Variants in TRIT1 observed in about 807,000 individuals in gnomAD.
TRIT1 encodes the protein tRNA dimethylallyltransferase.
TRIT1 carries 43 observed loss-of-function variants against 51.2 expected under a neutral mutation model. The observed-to-expected ratio is 0.84, with a 90% confidence interval of 0.66 to 1.08. The LOEUF is 1.08. TRIT1 is among the 50% of genes least tolerant of loss of function. The pLI is 0.00. For synonymous variants in TRIT1, 184 were observed against 203.9 expected (o/e 0.90, Z 0.83); for missense variants, 528 against 578.4 (o/e 0.91, Z 0.89).
At chr1:39,882,391 C>T (rs535154056) in intron 1 of TRIT1, among the ~76,000 whole-genome samples, 2 of 152,332 alleles carry the variant, frequency 1.3e-5, no homozygotes, top group African/African-American at 2.4e-5. Context: ...CCAGGCATTT[C>T]ATGTTCAACA....
rs545062133 is a variant in TRIT1, at chr1:39,875,248, G to T, written c.174+8070C>A. On this transcript the variant is annotated intron_variant, in intron 1 of 10. Transcript: ENST00000316891. The stretch of plus-strand genomic sequence containing the variant: ...CTCACGCCTGTAATTCCAACCCTTT[G>T]GGAGCCCGAGGTGGGCAGATCACGA... Among the ~76,000 whole-genome samples the T allele has an allele frequency of 1.5e-3, 232 of 152,068 alleles. 1 individual carries two copies. Among genetic ancestry groups the T allele is most frequent in the African/African-American group, 5.2e-3 (214 of 41,490 alleles).
At chr1:39,861,923 CAAAAAAA>C (rs60007826) in intron 1 of TRIT1, among the ~76,000 whole-genome samples, 8 of 68,412 alleles carry the variant, frequency 1.2e-4, no homozygotes, top group East Asian at 3.9e-4. Context: ...GGCTCTGTCT[CAAAAAAA>C]AAAAAAAAAG....
chr1:39,864,048 C>T (rs1171137547), intron 1 of TRIT1, among the ~76,000 whole-genome samples: 3 of 151,950 alleles, frequency 2.0e-5, no homozygotes, highest in East Asian at 2.0e-4. Flanking sequence ...CCTGCCACCA[C>T]GCCTGGCTAG....
intron 8 of TRIT1, chr1:39,847,003 C>A: frequency 1.9e-6 from 1 of 515,672 alleles, no homozygotes; most frequent in East Asian, 3.2e-5. Flanking sequence ...CTGTTCAAGG[C>A]AGAAGGCAGA....
chr1:39,880,798 CA>C (rs1315749935), intron 1 of TRIT1, among the ~76,000 whole-genome samples: 43 of 127,662 alleles, frequency 3.4e-4, no homozygotes, highest in Non-Finnish European at 2.5e-4. Context: ...GACTCCGTTT[CA>C]AAAAAAAAAA....
chr1:39,879,928 G>A (rs56329746), intron 1 of TRIT1, among the ~76,000 whole-genome samples: 3,113 of 145,582 alleles, frequency 0.021, 64 homozygotes, highest in East Asian at 0.11. Context: ...TGTAATCCCA[G>A]CATTTTGGGA....
chr1:39,846,973 T>TAA (rs1470689380), intron 8 of TRIT1: 1 of 386,156 alleles, frequency 2.6e-6, no homozygotes. Flanking sequence ...TCTTCTTAGC[T>TAA]GTTTGCAGCC....
intron 1 of TRIT1, among the ~76,000 whole-genome samples, chr1:39,858,872 T>G (rs1188252012): frequency 6.6e-6 from 1 of 152,208 alleles, no homozygotes; most frequent in African/African-American, 2.4e-5. Flanking sequence ...AGTATTCTTT[T>G]CTGTGTATCT....
chr1:39,841,784 G>C lies in TRIT1; in HGVS notation c.1364C>G (p.Ser455Cys), dbSNP rs753273813. ...DHNKEPKEKG[S>C]PGQNDQELKC... The stretch of plus-strand genomic sequence containing the variant: ...CAGCTCTTGATCATTCTGCCCTGGG[G>C]ATCCCTTCTCTTTAGGTTCTTTGTT... The change falls in exon 11 of 11, where the codon TCC (serine) becomes TGC (cysteine). Residue 455 changes from serine (S) to cysteine (C), a missense_variant. By Grantham distance (112) the Ser-to-Cys change is moderately radical. Around this residue, in one of 3 missense-constraint regions of TRIT1, gnomAD observed 468 missense variants for 522.6 expected, o/e 0.90. Coordinates refer to ENST00000316891, the MANE Select transcript of TRIT1 (RefSeq NM_017646.6). 1 of 1,613,844 alleles carries C rather than the reference G, an allele frequency of 6.2e-7. No individual in the cohort carries two copies. Among genetic ancestry groups the C allele is most frequent in the Non-Finnish European group, 8.5e-7 (1 of 1,179,914 alleles).
intron 1 of TRIT1, among the ~76,000 whole-genome samples, chr1:39,873,527 T>C (rs375028502): frequency 1.3e-5 from 2 of 152,174 alleles, no homozygotes; most frequent in African/African-American, 4.8e-5. Context: ...GTATCCTAAA[T>C]TGAATCCTGA....
At chr1:39,848,826 CAA>C (rs530561057) in intron 5 of TRIT1, among the ~76,000 whole-genome samples, 1 of 141,284 alleles carries the variant, frequency 7.1e-6, no homozygotes, top group Non-Finnish European at 1.6e-5. Context: ...CTGTCTCAAA[CAA>C]AAAAAAAAGA....
chr1:39,865,981 AAAAG>A (rs900483991), intron 1 of TRIT1, among the ~76,000 whole-genome samples: 15 of 151,506 alleles, frequency 9.9e-5, no homozygotes, highest in African/African-American at 2.7e-4. Flanking sequence ...AAGGAAAAGG[AAAAG>A]AAAGAAAGGG....
intron 1 of TRIT1, among the ~76,000 whole-genome samples, chr1:39,864,664 G>A (rs1242032359): frequency 2.7e-5 from 4 of 150,390 alleles, no homozygotes; most frequent in Non-Finnish European, 5.9e-5. Flanking sequence ...GAGAAACCCC[G>A]ATCTAAAGAA....
intron 9 of TRIT1, 101 bp downstream of exon 9, chr1:39,844,430 A>T: frequency 9.9e-7 from 1 of 1,010,890 alleles, no homozygotes; most frequent in South Asian, 1.4e-5. Flanking sequence ...GCTTTATTCT[A>T]TGGAAAAGAA....
intron 1 of TRIT1, among the ~76,000 whole-genome samples, chr1:39,869,210 C>G (rs1355020642): frequency 4.6e-5 from 7 of 152,134 alleles, no homozygotes; most frequent in Admixed American, 3.3e-4. Context: ...CTGCCTGATT[C>G]TCCTGCTTCA....
At chr1:39,850,591 A>G (rs1642504783) in intron 4 of TRIT1, among the ~76,000 whole-genome samples, 1 of 152,234 alleles carries the variant, frequency 6.6e-6, no homozygotes, top group East Asian at 1.9e-4. Flanking sequence ...ACAGCTACTC[A>G]GAAAAGGGTA....
chr1:39,866,446 T>A (rs59523475), intron 1 of TRIT1, among the ~76,000 whole-genome samples: 104 of 152,298 alleles, frequency 6.8e-4, no homozygotes, highest in African/African-American at 2.4e-3. Context: ...CACTGGGAAG[T>A]TGATTTTCCT....
intron 10 of TRIT1, among the ~76,000 whole-genome samples, chr1:39,842,380 T>C (rs12729030): frequency 0.088 from 13,347 of 152,268 alleles, 782 homozygotes; most frequent in Middle Eastern, 0.16. Context: ...GGTTGAAAAG[T>C]TAGAAATTCA....
chr1:39,846,570 G>C (rs1642238005), intron 8 of TRIT1, among the ~76,000 whole-genome samples: 1 of 152,184 alleles, frequency 6.6e-6, no homozygotes, highest in South Asian at 2.1e-4. Context: ...CTGCCGACTA[G>C]CTGGGTGATT....
Sources: gnomAD v4.1 joint callset for allele counts (sites outside exome capture counted in the v4.1 genomes callset) on GRCh38, gnomAD v4.1.1 for gene constraint, gnomAD v4.1.1 regional missense constraint, MANE v1.5 for transcripts, NCBI Gene and HGNC (gene_info 2026-07-23, HGNC 2026-07-21) for gene names.